Variants in TSC22D2 observed in about 807,000 individuals in gnomAD.
The protein encoded by TSC22D2 is TSC22 domain family member 2, also known as TSC22 domain family protein 2.
In TSC22D2, 5 loss-of-function variants were observed where a neutral mutation model predicts 50.1. The observed-to-expected ratio is 0.10, with a 90% CI of 0.05 to 0.21. The LOEUF is 0.21. TSC22D2 is among the 10% of genes least tolerant of loss of function. TSC22D2 has a pLI of 1.00. For missense variants in TSC22D2, 1,003 were observed against 1,015.5 expected (o/e 0.99, Z 0.17); for synonymous variants, 501 against 450.1 (o/e 1.11, Z -1.43).
rs1721427784 is a variant in TSC22D2, at chr3:150,461,913, A to G, written c.*3277A>G. ...TCTGTTCTTGAAAATTTATCTTTGC[A>G]GAACCAGAAATAGCTAATTGTCTGG... On this transcript the variant is annotated 3_prime_UTR_variant, in exon 3 of 3. Coordinates refer to ENST00000688009, the MANE Select transcript of TSC22D2 (RefSeq NM_001303264.2). 1 of 152,086 alleles carries G rather than the reference A, an allele frequency of 6.6e-6. No homozygotes were observed. Among genetic ancestry groups the G allele is most frequent in the African/African-American group, 2.4e-5 (1 of 41,396 alleles). The allele number at this position is 152,086 out of a possible 1,614,324, so 9.4% of individuals were successfully genotyped here. A position where few individuals can be genotyped will look rare whatever the true frequency, so the allele number is the denominator to read the frequency against.
At chr3:150,430,694 A>G (rs565871005) in intron 1 of TSC22D2, among the ~76,000 whole-genome samples, 2 of 152,278 alleles carry the variant, frequency 1.3e-5, no homozygotes, top group African/African-American at 4.8e-5. Flanking sequence ...GTTGAGATTT[A>G]AGAATGTTTT....
rs1721312726 is a variant in TSC22D2 at position 150,459,572 on chromosome 3, G to GTTTTTTTTTTTTTGTTTTTTTTTTTTT, written c.*951_*952insTTTTTTTTTTTTTTTTTTTTTTTTTGT. ...TAATGGAGTTTGGTTTTTTTTTGTT[G>GTTTTTTTTTTTTTGTTTTTTTTTTTTT]TTTTTTTTTTTTTGTCTTTTTTTTT... On this transcript the variant is annotated 3_prime_UTR_variant, in exon 3 of 3. Coordinates refer to ENST00000688009, the MANE Select transcript of TSC22D2 (RefSeq NM_001303264.2). The GTTTTTTTTTTTTTGTTTTTTTTTTTTT allele has an allele frequency of 2.6e-5, 3 of 115,534 alleles. No homozygotes were observed. The highest frequency in any genetic ancestry group is 3.6e-5 in the Non-Finnish European group (2 of 55,812). 7.2% of individuals were successfully genotyped at this position (115,534 alleles called of 1,614,324 possible). A position where few individuals can be genotyped will look rare whatever the true frequency, so the allele number is the denominator to read the frequency against.
intron 1 of TSC22D2, among the ~76,000 whole-genome samples, chr3:150,421,906 A>G (rs75902063): frequency 0.093 from 14,133 of 152,280 alleles, 861 homozygotes; most frequent in South Asian, 0.29. Context: ...TAAAGAGGTC[A>G]AACTTTAACA....
rs1721403261 is a variant in TSC22D2 at position 150,461,629 on chromosome 3, G to A, written c.*2993G>A. 1 of 152,136 alleles carries A rather than the reference G, an allele frequency of 6.6e-6. No individual in the cohort carries two copies. The highest frequency in any genetic ancestry group is 2.1e-4 in the South Asian group (1 of 4,824). 9.4% of individuals were successfully genotyped at this position (152,136 alleles called of 1,614,324 possible). On this transcript the variant is annotated 3_prime_UTR_variant, in exon 3 of 3. Transcript: ENST00000688009. ...CAAAAACAAATAGTAGGGGTTAGGA[G>A]GCATTAAATAAACAGTTTCCTTAAC...
At chr3:150,422,038 G>A (rs1209843496) in intron 1 of TSC22D2, among the ~76,000 whole-genome samples, 2 of 152,194 alleles carry the variant, frequency 1.3e-5, no homozygotes, top group South Asian at 2.1e-4. Flanking sequence ...CTATGAGATG[G>A]GAGTAATAAT....
intron 1 of TSC22D2, chr3:150,422,929 C>A (rs1720061043): frequency 1.5e-6 from 1 of 655,370 alleles, no homozygotes; most frequent in South Asian, 2.8e-5. Flanking sequence ...GTTTTAAAAT[C>A]TTTTTATTAT....
chr3:150,429,456 A>G (rs1287343142), intron 1 of TSC22D2, among the ~76,000 whole-genome samples: 2 of 152,176 alleles, frequency 1.3e-5, no homozygotes, highest in Non-Finnish European at 2.9e-5. Context: ...TGGACTATAT[A>G]TATAAATGGG....
intron 1 of TSC22D2, among the ~76,000 whole-genome samples, chr3:150,412,252 T>C (rs980080637): frequency 5.3e-5 from 8 of 152,214 alleles, no homozygotes; most frequent in Non-Finnish European, 1.2e-4. Context: ...AAAGCTGACT[T>C]GTTGCAATGT....
At chr3:150,454,587 G>T (rs1245662859) in intron 1 of TSC22D2, among the ~76,000 whole-genome samples, 3 of 152,140 alleles carry the variant, frequency 2.0e-5, no homozygotes, top group Non-Finnish European at 2.9e-5. Context: ...AACTCTGAGT[G>T]GGGGAGCCCA....
chr3:150,411,551 A>G (rs1018439366), intron 1 of TSC22D2, among the ~76,000 whole-genome samples: 1 of 152,228 alleles, frequency 6.6e-6, no homozygotes, highest in Non-Finnish European at 1.5e-5. Context: ...GTTTACTCAA[A>G]AAAAGGTGAA....
Position 150,409,999 on chromosome 3 carries a change from G to C in TSC22D2, c.649G>C (p.Gly217Arg). The C allele has an allele frequency of 6.2e-7, 1 of 1,613,732 alleles. No individual in the cohort carries two copies. The highest frequency in any genetic ancestry group is 8.5e-7 in the Non-Finnish European group (1 of 1,180,038). ...TGACCAGACTGCGGAGCGGGACAGC[G>C]GCCTGGGCGCCACCGGAGGGTCGGT... is the stretch of plus-strand genomic sequence containing the variant. Reference protein sequence around the residue: ...TFDQTAERDSGLGATGGSVVV... With the variant: ...TFDQTAERDSRLGATGGSVVV... The change falls in exon 1 of 3, where the codon GGC becomes CGC. Residue 217 changes from glycine to arginine, a missense_variant. Gly to Arg is a moderately radical substitution (Grantham distance 125). Coordinates refer to ENST00000688009, the MANE Select transcript of TSC22D2 (RefSeq NM_001303264.2). This position sits in a 1 kb window ranked among gnomAD's most constrained non-coding sequence, Gnocchi z 7.4.
At chr3:150,423,336 A>T in intron 1 of TSC22D2, 1 of 334,394 alleles carries the variant, frequency 3.0e-6, no homozygotes, top group Non-Finnish European at 5.4e-6. Context: ...TACTTTAAGT[A>T]TATCTATATT....
chr3:150,431,382 TA>T (rs1270398438), intron 1 of TSC22D2, among the ~76,000 whole-genome samples: 7 of 152,114 alleles, frequency 4.6e-5, no homozygotes, highest in African/African-American at 1.7e-4. Context: ...TATTATCAAA[TA>T]TGAATATACA....
chr3:150,408,299 G>A lies in TSC22D2; in HGVS notation c.-1052G>A, dbSNP rs1719320582. The A allele has an allele frequency of 6.5e-6, 1 of 153,542 alleles. No individual in the cohort carries two copies. The highest frequency in any genetic ancestry group is 2.4e-5 in the African/African-American group (1 of 41,406). 9.5% of individuals were successfully genotyped at this position (153,542 alleles called of 1,614,324 possible). A position where few individuals can be genotyped will look rare whatever the true frequency, so the allele number is the denominator to read the frequency against. ...TGGCTGCGGCAGCGGCGGCATTTTA[G>A]TCGGCAGCGGCGGCGGCAGCGGGGC... On this transcript the variant is annotated 5_prime_UTR_variant, in exon 1 of 3. Transcript: ENST00000688009.
intron 1 of TSC22D2, among the ~76,000 whole-genome samples, chr3:150,456,563 TA>T (rs1216921382): frequency 1.3e-5 from 2 of 151,860 alleles, no homozygotes; most frequent in Admixed American, 1.3e-4. Context: ...AAGTTTTTTT[TA>T]AAAAACTAGA....
intron 1 of TSC22D2, among the ~76,000 whole-genome samples, chr3:150,446,327 T>C (rs1720889397): frequency 6.6e-6 from 1 of 151,982 alleles, no homozygotes; most frequent in Non-Finnish European, 1.5e-5. Context: ...GTATTTAGAG[T>C]GTTGCCTTTA....
In TSC22D2 at chr3:150,430,801, A is replaced by G. The variant is rs79170868; in HGVS notation, c.1958+19493A>G. Among the ~76,000 whole-genome samples, 240 of 152,158 alleles carry G rather than the reference A, an allele frequency of 1.6e-3. 3 individuals are homozygous for G. The East Asian group carries it at 0.02, about 13-fold the overall frequency. On this transcript the variant is annotated intron_variant, in intron 1 of 2. Coordinates refer to ENST00000688009, the MANE Select transcript of TSC22D2 (RefSeq NM_001303264.2). The stretch of plus-strand genomic sequence containing the variant: ...CTTAGGCAATACCACCTGCATTTAG[A>G]TAACAGAAGGAAGTCTGAAGAGGAT...
chr3:150,457,439 T>A, intron 2 of TSC22D2, among the ~76,000 whole-genome samples: 1 of 152,102 alleles, frequency 6.6e-6, no homozygotes, highest in Non-Finnish European at 1.5e-5. Flanking sequence ...GAAAATACTT[T>A]AGAGTGAAAA....
intron 1 of TSC22D2, among the ~76,000 whole-genome samples, chr3:150,415,768 T>C (rs1160710378): frequency 6.6e-6 from 1 of 152,142 alleles, no homozygotes; most frequent in Non-Finnish European, 1.5e-5. Flanking sequence ...GTGAGCTATA[T>C]TATAATATTG....
Sources: gnomAD v4.1 joint callset for allele counts (sites outside exome capture counted in the v4.1 genomes callset) on GRCh38, gnomAD v4.1.1 for gene constraint, Gnocchi (gnomAD v3.1) non-coding constraint, MANE v1.5 for transcripts, NCBI Gene and HGNC (gene_info 2026-07-23, HGNC 2026-07-21) for gene names.